Variants in TJP1 observed in about 807,000 individuals in gnomAD.
TJP1 encodes the protein tight junction protein ZO-1.
Under a neutral mutation model 194.2 loss-of-function variants are expected in TJP1, and 43 were observed. The observed-to-expected ratio is 0.22, with a 90% CI of 0.17 to 0.29. The LOEUF is 0.29. TJP1 is among the 10% of genes least tolerant of loss of function. TJP1 has a pLI of 1.00. For synonymous variants in TJP1, 801 were observed against 779.0 expected, an observed-to-expected ratio of 1.03 and a Z score of -0.47; for missense variants, 1,971 against 2,185.7, an observed-to-expected ratio of 0.90 and a Z score of 1.96.
chr15:29,812,604 T>C (rs2049601236), intron 1 of TJP1, among the ~76,000 whole-genome samples: 3 of 152,126 alleles, frequency 2.0e-5, no homozygotes, highest in African/African-American at 7.2e-5. Context: ...CATACTCTTC[T>C]CCCTGGTGCT....
At chr15:29,958,362 A>T (rs2056027206) in intron 1 of TJP1, among the ~76,000 whole-genome samples, 2 of 147,354 alleles carry the variant, frequency 1.4e-5, no homozygotes, top group South Asian at 2.1e-4. Flanking sequence ...TTCTTTCTTT[A>T]CCCAATCTGA....
chr15:29,845,789 C>T (rs1020010727), intron 2 of TJP1, among the ~76,000 whole-genome samples: 4 of 151,924 alleles, frequency 2.6e-5, no homozygotes, highest in Non-Finnish European at 5.9e-5. Flanking sequence ...GGTGACAGGG[C>T]GAGACTCCAT....
intron 2 of TJP1, among the ~76,000 whole-genome samples, chr15:29,936,853 AT>A (rs2054900240): frequency 6.6e-6 from 1 of 152,140 alleles, no homozygotes; most frequent in African/African-American, 2.4e-5. Flanking sequence ...TAGAAAATAT[AT>A]TTAGAACGCT....
chr15:29,720,528 C>T lies in TJP1; in HGVS notation c.2593G>A (p.Glu865Lys). 1.2e-6 allele frequency: 2 copies of T among 1,614,108 alleles called. No homozygotes were observed. Among genetic ancestry groups the T allele is most frequent in the Non-Finnish European group, 1.7e-6 (2 of 1,180,028 alleles). ...GCAGACTCCGGTGGAGTCCCAACCT[C>T]ATCATTAAGAGTTTCATCTAGTTCT... ...DQELDETLND[E>K]VGTPPESAIT... Residue 865 changes from glutamate to lysine, a missense_variant, in exon 19 of 28, where the codon GAG (glutamate) becomes AAG (lysine). By Grantham distance (56) the Glu-to-Lys change is moderately conservative. Transcript: ENST00000614355.
chr15:29,869,791 CTTTCTTTTTTTTTTTTT>C (rs2052436225), intron 2 of TJP1, among the ~76,000 whole-genome samples: 2 of 102,912 alleles, frequency 1.9e-5, no homozygotes, highest in Non-Finnish European at 3.9e-5. Context: ...TTCTTTCTTT[CTTTCTTTTTTTTTTTTT>C]TTTTTTTTTT....
intron 8 of TJP1, among the ~76,000 whole-genome samples, chr15:29,746,823 G>A (rs903899263): frequency 1.3e-5 from 2 of 151,046 alleles, no homozygotes; most frequent in African/African-American, 4.9e-5. Context: ...TTCTATTTTT[G>A]TATTCTTTTA....
intron 2 of TJP1, among the ~76,000 whole-genome samples, chr15:29,848,882 T>G (rs1402163208): frequency 2.6e-5 from 4 of 151,956 alleles, no homozygotes; most frequent in Admixed American, 6.6e-5. Context: ...AAGAAACTAT[T>G]ATCCCAACAT....
At chr15:29,829,353 GT>G (rs1389666341) in intron 2 of TJP1, among the ~76,000 whole-genome samples, 1 of 152,078 alleles carries the variant, frequency 6.6e-6, no homozygotes, top group Admixed American at 6.6e-5. Flanking sequence ...TTTTGGACAT[GT>G]TACTTTCGAG....
intron 2 of TJP1, among the ~76,000 whole-genome samples, chr15:29,916,343 GC>G (rs2054186416): frequency 1.3e-5 from 2 of 151,434 alleles, no homozygotes; most frequent in Admixed American, 1.3e-4. Context: ...GGTCTCAGAA[GC>G]CCTATGAAAT....
At chr15:29,789,444 G>A (rs2047929349) in intron 2 of TJP1, among the ~76,000 whole-genome samples, 1 of 152,140 alleles carries the variant, frequency 6.6e-6, no homozygotes, top group Admixed American at 6.6e-5. Flanking sequence ...AATTCTGCCT[G>A]TTTTTTTCTG....
intron 2 of TJP1, among the ~76,000 whole-genome samples, chr15:29,783,517 T>C (rs1394425107): frequency 6.6e-6 from 1 of 152,172 alleles, no homozygotes; most frequent in Non-Finnish European, 1.5e-5. Flanking sequence ...TAAAGACACA[T>C]GCACGTATAT....
intron 2 of TJP1, among the ~76,000 whole-genome samples, chr15:29,778,915 C>A (rs774737364): frequency 3.3e-5 from 5 of 152,132 alleles, no homozygotes; most frequent in Admixed American, 2.0e-4. Flanking sequence ...GCACAAGTAG[C>A]CTCGGTTAGC....
intron 2 of TJP1, among the ~76,000 whole-genome samples, chr15:29,845,616 A>G (rs1289973214): frequency 6.6e-6 from 1 of 152,110 alleles, no homozygotes; most frequent in Non-Finnish European, 1.5e-5. Flanking sequence ...CCATCTGGCC[A>G]ACATGGTGAA....
chr15:29,954,101 G>A (rs1435633278), intron 2 of TJP1, among the ~76,000 whole-genome samples: 1 of 152,120 alleles, frequency 6.6e-6, no homozygotes, highest in African/African-American at 2.4e-5. Flanking sequence ...TTCTGCACCT[G>A]GGTAGCATTA....
chr15:29,836,781 G>T (rs1008036768), intron 2 of TJP1, among the ~76,000 whole-genome samples: 1 of 152,110 alleles, frequency 6.6e-6, no homozygotes, highest in African/African-American at 2.4e-5. Context: ...TGATAAAAGG[G>T]CTGGAGGGAG....
intron 1 of TJP1, among the ~76,000 whole-genome samples, chr15:29,818,877 C>A (rs1416495884): frequency 6.6e-6 from 1 of 151,684 alleles, no homozygotes; most frequent in East Asian, 1.9e-4. Context: ...AGTGCAGTGG[C>A]CCCGATCTCA....
chr15:29,930,054 C>A (rs2054657406), intron 2 of TJP1, among the ~76,000 whole-genome samples: 1 of 152,076 alleles, frequency 6.6e-6, no homozygotes, highest in African/African-American at 2.4e-5. Flanking sequence ...TTGAACAAAC[C>A]TACTAAAGAA....
intron 2 of TJP1, among the ~76,000 whole-genome samples, chr15:29,854,851 T>C (rs1002229440): frequency 2.6e-5 from 4 of 151,894 alleles, no homozygotes; most frequent in African/African-American, 9.7e-5. Flanking sequence ...TGGCCTTGAA[T>C]TCAGAATAAA....
At chr15:29,888,930 G>A (rs185439915) in intron 2 of TJP1, among the ~76,000 whole-genome samples, 2 of 152,290 alleles carry the variant, frequency 1.3e-5, no homozygotes, top group Admixed American at 6.5e-5. Flanking sequence ...GAGGCAGCAG[G>A]GATGGACTGG....
Sources: gnomAD v4.1 joint callset for allele counts (sites outside exome capture counted in the v4.1 genomes callset) on GRCh38, gnomAD v4.1.1 for gene constraint, MANE v1.5 for transcripts, NCBI Gene and HGNC (gene_info 2026-07-23, HGNC 2026-07-21) for gene names.